Variants in RGS7 observed in about 807,000 individuals in gnomAD.
RGS7 encodes the protein regulator of G protein signaling 7.
A neutral mutation model predicts 81.1 loss-of-function variants in RGS7; 27 were observed. That is an observed-to-expected ratio of 0.33 (90% CI 0.25 to 0.46). The LOEUF (loss-of-function observed/expected upper bound fraction) is 0.46. Ranked by LOEUF, RGS7 falls within the 20% of genes least tolerant of loss-of-function variation. The probability of loss-of-function intolerance (pLI) is 1.00; values close to 1 mark genes in which losing one functional copy is unlikely to be tolerated. For missense variants in RGS7, 396 were observed against 607.4 expected (o/e 0.65, Z 3.66); for synonymous variants, 208 against 207.7 (o/e 1.00, Z -0.01).
chr1:240,944,495 C>T (rs1048866404), intron 4 of RGS7, among the ~76,000 whole-genome samples: 4 of 151,668 alleles, frequency 2.6e-5, no homozygotes, highest in African/African-American at 9.7e-5. Context: ...GCAAAATTTC[C>T]ATTAGTTAAT....
Position 241,102,823 on chromosome 1 carries a change from C to G in RGS7, c.79-4061G>C, listed in dbSNP as rs559601210. Among the ~76,000 whole-genome samples, 9 of 152,172 alleles carry G rather than the reference C, an allele frequency of 5.9e-5. No individual in the cohort carries two copies. The South Asian group carries it at 1.5e-3, about 25-fold the overall frequency. On this transcript the variant is annotated intron_variant, in intron 2 of 18. Coordinates refer to ENST00000440928, the MANE Select transcript of RGS7 (RefSeq NM_001364886.1). ...GATTGAGATTTATGTCTCAATCACT[C>G]ATTTTGGTTGTCACAGTCACCAAGT...
chr1:241,084,310 A>T (rs2063311487), intron 3 of RGS7, among the ~76,000 whole-genome samples: 1 of 152,204 alleles, frequency 6.6e-6, no homozygotes, highest in African/African-American at 2.4e-5. Context: ...TATACTGCTC[A>T]GTTTTCATAT....
At chr1:240,832,206 A>G (rs1355929427) in intron 9 of RGS7, among the ~76,000 whole-genome samples, 1 of 152,192 alleles carries the variant, frequency 6.6e-6, no homozygotes, top group African/African-American at 2.4e-5. Flanking sequence ...TACCATTACC[A>G]AGTAGACATT....
chr1:241,034,505 T>C (rs946610265), intron 3 of RGS7, among the ~76,000 whole-genome samples: 4 of 152,216 alleles, frequency 2.6e-5, no homozygotes, highest in Admixed American at 2.6e-4. Flanking sequence ...CTATTGTTCC[T>C]GTACCTGTAA....
At chr1:241,303,136 G>A (rs542389076) in intron 2 of RGS7, among the ~76,000 whole-genome samples, 14 of 145,512 alleles carry the variant, frequency 9.6e-5, no homozygotes, top group East Asian at 1.9e-4. Context: ...TTGGATTTGC[G>A]TCCCTGCCCA....
chr1:241,251,605 G>A lies in RGS7; in HGVS notation c.78+104094C>T, dbSNP rs542742351. Among the ~76,000 whole-genome samples, 28 of 151,958 alleles carry A rather than the reference G, an allele frequency of 1.8e-4. No individual in the cohort carries two copies. The South Asian group carries it at 4.0e-3, about 21-fold the overall frequency. ...GCTCACTGCAACCTCCTTCTCCCAG[G>A]TTCAAGCAATTCTCCTGCCTCAACC... is the stretch of plus-strand genomic sequence containing the variant. On this transcript the variant is annotated intron_variant, in intron 2 of 18. Coordinates refer to ENST00000440928, the MANE Select transcript of RGS7 (RefSeq NM_001364886.1).
chr1:240,863,669 C>T (rs1437609729), intron 9 of RGS7, among the ~76,000 whole-genome samples: 3 of 152,088 alleles, frequency 2.0e-5, no homozygotes, highest in Non-Finnish European at 4.4e-5. Context: ...TAGTTGGATT[C>T]CCCTAGGTCA....
chr1:241,335,099 T>C (rs2082171207), intron 2 of RGS7, among the ~76,000 whole-genome samples: 1 of 152,188 alleles, frequency 6.6e-6, no homozygotes, highest in South Asian at 2.1e-4. Context: ...TGATCCCACT[T>C]GTAAAGGGGA....
chr1:240,827,879 A>AC (rs1553315792), intron 9 of RGS7, among the ~76,000 whole-genome samples: 36 of 151,304 alleles, frequency 2.4e-4, no homozygotes, highest in Non-Finnish European at 4.1e-4. Flanking sequence ...AAAAAAAAAA[A>AC]AAAAAAAAAC....
chr1:240,863,642 G>C (rs1177295301), intron 9 of RGS7, among the ~76,000 whole-genome samples: 1 of 152,108 alleles, frequency 6.6e-6, no homozygotes, highest in African/African-American at 2.4e-5. Context: ...TCCCTGGCAG[G>C]GGTATTCTAC....
intron 3 of RGS7, among the ~76,000 whole-genome samples, chr1:241,030,373 T>TACACAC (rs1553393985): frequency 7.4e-6 from 1 of 135,186 alleles, no homozygotes; most frequent in African/African-American, 2.8e-5. Flanking sequence ...TATATATATA[T>TACACAC]ACATACACAC....
chr1:241,273,959 T>C (rs2078059192), intron 2 of RGS7, among the ~76,000 whole-genome samples: 3 of 152,210 alleles, frequency 2.0e-5, no homozygotes, highest in African/African-American at 7.2e-5. Flanking sequence ...CCAGCTCATA[T>C]GCAGCCACCA....
At chr1:241,331,612 G>C (rs547588355) in intron 2 of RGS7, among the ~76,000 whole-genome samples, 1 of 152,224 alleles carries the variant, frequency 6.6e-6, no homozygotes, top group East Asian at 1.9e-4. Flanking sequence ...AATTGTGTTT[G>C]TTACTCTAGT....
chr1:240,781,952 T>C (rs1572050449), intron 18 of RGS7, among the ~76,000 whole-genome samples: 1 of 151,326 alleles, frequency 6.6e-6, no homozygotes, highest in East Asian at 2.0e-4. Flanking sequence ...GAGGAGGAGG[T>C]TGCAGTGAGC....
chr1:240,820,842 G>C (rs896416989), intron 10 of RGS7, among the ~76,000 whole-genome samples: 10 of 152,290 alleles, frequency 6.6e-5, no homozygotes, highest in African/African-American at 2.4e-4. Context: ...AACTCAAACA[G>C]ACCAAGAACT....
chr1:240,901,061 G>A (rs1669922150), intron 6 of RGS7, among the ~76,000 whole-genome samples: 1 of 152,220 alleles, frequency 6.6e-6, no homozygotes, highest in African/African-American at 2.4e-5. Context: ...CTAGCAGTGA[G>A]CGAGGCTCCG....
chr1:241,186,461 G>T, intron 2 of RGS7: 2 of 938,622 alleles, frequency 2.1e-6, no homozygotes, highest in Non-Finnish European at 1.3e-6. Context: ...TTACCTGATT[G>T]CTATGGCTCT....
chr1:241,231,175 G>T (rs532481216), intron 2 of RGS7, among the ~76,000 whole-genome samples: 1 of 152,122 alleles, frequency 6.6e-6, no homozygotes, highest in Non-Finnish European at 1.5e-5. Flanking sequence ...GTGAAACTGG[G>T]CAAGAGATGA....
chr1:241,208,860 C>A (rs2074077782), intron 2 of RGS7, among the ~76,000 whole-genome samples: 1 of 152,190 alleles, frequency 6.6e-6, no homozygotes. Flanking sequence ...GATAGCCAGG[C>A]AAGGTAAGAG....
Sources: gnomAD v4.1 joint callset for allele counts (sites outside exome capture counted in the v4.1 genomes callset) on GRCh38, gnomAD v4.1.1 for gene constraint, MANE v1.5 for transcripts, NCBI Gene and HGNC (gene_info 2026-07-23, HGNC 2026-07-21) for gene names.